DCUN1D3: variants seen among roughly 807,000 people sequenced by gnomAD.
DCUN1D3 encodes defective in cullin neddylation 1 domain containing 3, also known as DCN1-like protein 3.
In DCUN1D3, 6 loss-of-function variants were observed where a neutral mutation model predicts 24.8. The ratio of observed to expected loss-of-function variants is 0.24; its 90% CI spans 0.13 to 0.48. DCUN1D3 has a LOEUF of 0.48. DCUN1D3 is among the 20% of genes least tolerant of loss of function. The pLI is 0.99. For synonymous variants in DCUN1D3, 120 were observed against 144.9 expected (o/e 0.83, Z 1.24); for missense variants, 258 against 379.4 (o/e 0.68, Z 2.66).
chr16:20,882,703 T>A (rs2081850425), intron 1 of DCUN1D3, among the ~76,000 whole-genome samples: 1 of 152,240 alleles, frequency 6.6e-6, no homozygotes, highest in African/African-American at 2.4e-5. Context: ...GCTGGCAACA[T>A]ATAAACACAT....
intron 1 of DCUN1D3, among the ~76,000 whole-genome samples, chr16:20,889,338 G>C (rs2081881473): frequency 1.3e-5 from 2 of 152,002 alleles, no homozygotes; most frequent in South Asian, 4.1e-4. Flanking sequence ...GTTGCAGTGA[G>C]CTAAGATCGT....
At chr16:20,865,879 G>A (rs947377957) in intron 1 of DCUN1D3, among the ~76,000 whole-genome samples, 4 of 152,148 alleles carry the variant, frequency 2.6e-5, no homozygotes, top group Non-Finnish European at 5.9e-5. Flanking sequence ...AATCATTCCT[G>A]TAGTTATTAG....
At chr16:20,861,971 G>T in intron 2 of DCUN1D3, 137 bp downstream of exon 2, 1 of 887,320 alleles carries the variant, frequency 1.1e-6, no homozygotes, top group Non-Finnish European at 1.7e-6. Context: ...AAGCTTTAGA[G>T]AACCTGATCA....
rs1463793529 is a variant in DCUN1D3 at position 20,860,066 on chromosome 16, C to T, written c.735G>A (p.Met245Ile). ...CAATCACCTGAGTGAAGTTAAGGAA[C>T]ATGTTCCAAGTGTCCCGGGAGATGC... ...IKGISRDTWN[M>I]FLNFTQVIGP... The change falls in exon 3 of 3, where the codon ATG becomes ATA. Residue 245 changes from methionine (M) to isoleucine (I), a missense_variant. Met to Ile is a conservative substitution (Grantham distance 10, BLOSUM62 1). Coordinates refer to ENST00000324344, the MANE Select transcript of DCUN1D3 (RefSeq NM_173475.4). The surrounding 1 kb of genome is among the most constrained non-coding windows in gnomAD (Gnocchi z 4.3). 6.2e-7 allele frequency: 1 copy of T among 1,614,276 alleles called. No individual in the cohort carries two copies.
intron 1 of DCUN1D3, among the ~76,000 whole-genome samples, 190 bp from the exon 2 acceptor site, chr16:20,862,833 G>A (rs1411713424): frequency 6.6e-6 from 1 of 152,176 alleles, no homozygotes; most frequent in East Asian, 1.9e-4. Context: ...AGAGGCTGGG[G>A]CACATATGGA....
chr16:20,880,586 C>G (rs59220616), intron 1 of DCUN1D3, among the ~76,000 whole-genome samples: 7,018 of 96,806 alleles, frequency 0.072, 192 homozygotes, highest in Middle Eastern at 0.31. Context: ...GCCAGGGTGA[C>G]AGAGTAAGAC....
At chr16:20,866,333 G>A (rs985443982) in intron 1 of DCUN1D3, among the ~76,000 whole-genome samples, 1 of 152,118 alleles carries the variant, frequency 6.6e-6, no homozygotes, top group Admixed American at 6.5e-5. Context: ...TCCCAGGCAC[G>A]CTGACTCACC....
intron 1 of DCUN1D3, among the ~76,000 whole-genome samples, chr16:20,874,371 G>T (rs961066424): frequency 6.6e-6 from 1 of 152,144 alleles, no homozygotes; most frequent in Non-Finnish European, 1.5e-5. Context: ...CTTTCCAATT[G>T]CAATTTTTAC....
At chr16:20,883,745 A>T (rs2081856080) in intron 1 of DCUN1D3, among the ~76,000 whole-genome samples, 1 of 152,190 alleles carries the variant, frequency 6.6e-6, no homozygotes, top group Admixed American at 6.5e-5. Flanking sequence ...GGAAAAGGCA[A>T]CTGGAAAGAT....
intron 1 of DCUN1D3, 160 bp downstream of exon 1, chr16:20,900,044 C>T (rs1309515164): frequency 6.6e-6 from 1 of 152,170 alleles, no homozygotes; most frequent in African/African-American, 2.4e-5. Flanking sequence ...GCCACAGGCT[C>T]CCCTCACAGC....
chr16:20,891,641 T>G, intron 1 of DCUN1D3, among the ~76,000 whole-genome samples: 1 of 151,692 alleles, frequency 6.6e-6, no homozygotes, highest in East Asian at 1.9e-4. Context: ...GGGTGTGGAG[T>G]GGGGAGAAAT....
At position 20,859,859 on chromosome 16, in the gene DCUN1D3, C is replaced by T; in HGVS notation, c.*27G>A. On this transcript the variant is annotated 3_prime_UTR_variant, in exon 3 of 3. Transcript: ENST00000324344. ...TTGGCTGCAGGGCAGCTGGCAGATC[C>T]TTGCTGCTGCTCCTGGGACAGAGCC... 5.8e-6 allele frequency: 9 copies of T among 1,559,812 alleles called. No homozygotes were observed. Among genetic ancestry groups the T allele is most frequent in the Non-Finnish European group, 7.8e-6 (9 of 1,151,316 alleles).
intron 1 of DCUN1D3, among the ~76,000 whole-genome samples, chr16:20,866,500 G>A (rs1160263831): frequency 6.6e-6 from 1 of 152,054 alleles, no homozygotes; most frequent in South Asian, 2.1e-4. Context: ...AAATCCTGGC[G>A]CCAAGGCCTT....
At chr16:20,899,561 T>C (rs907797779) in intron 1 of DCUN1D3, among the ~76,000 whole-genome samples, 7 of 151,546 alleles carry the variant, frequency 4.6e-5, no homozygotes, top group Admixed American at 3.3e-4. Context: ...CTATTGCCAC[T>C]CAGCCACAGA....
At chr16:20,861,971 G>C in intron 2 of DCUN1D3, 137 bp downstream of exon 2, 1 of 887,320 alleles carries the variant, frequency 1.1e-6, no homozygotes, top group Non-Finnish European at 1.7e-6. Context: ...AAGCTTTAGA[G>C]AACCTGATCA....
Position 20,864,946 on chromosome 16 carries a change from T to A in DCUN1D3, c.-105-2303A>T, listed in dbSNP as rs576456522. ...GAGCTAAATGATGAGAACTTATGAA[T>A]ACAAAGAAGGAAACAACAGAAACTG... is the stretch of plus-strand genomic sequence containing the variant. On this transcript the variant is annotated intron_variant, in intron 1 of 2. Transcript: ENST00000324344. 3.3e-5 allele frequency among the ~76,000 whole-genome samples: 5 copies of A among 152,188 alleles called. No individual in the cohort carries two copies. The South Asian group carries it at 1.0e-3, about 32-fold the overall frequency.
At chr16:20,873,596 T>G (rs1348674852) in intron 1 of DCUN1D3, among the ~76,000 whole-genome samples, 1 of 152,254 alleles carries the variant, frequency 6.6e-6, no homozygotes, top group East Asian at 1.9e-4. Context: ...ATCCAGGCTC[T>G]TCATCAGGTG....
chr16:20,890,666 C>T (rs1210645543), intron 1 of DCUN1D3, among the ~76,000 whole-genome samples: 2 of 152,088 alleles, frequency 1.3e-5, no homozygotes, highest in East Asian at 3.9e-4. Flanking sequence ...GGGGTCTGTG[C>T]TAACTCCACG....
intron 1 of DCUN1D3, among the ~76,000 whole-genome samples, chr16:20,872,662 C>T (rs1361575862): frequency 6.6e-6 from 1 of 151,882 alleles, no homozygotes; most frequent in African/African-American, 2.4e-5. Flanking sequence ...ACTAGACTCT[C>T]TTTCCTGCTG....
Sources: gnomAD v4.1 joint callset for allele counts (sites outside exome capture counted in the v4.1 genomes callset) on GRCh38, gnomAD v4.1.1 for gene constraint, Gnocchi (gnomAD v3.1) non-coding constraint, MANE v1.5 for transcripts, NCBI Gene and HGNC (gene_info 2026-07-23, HGNC 2026-07-21) for gene names.